Variants in KLHDC10 observed in about 807,000 individuals in gnomAD.
The protein encoded by KLHDC10 is kelch domain containing 10.
KLHDC10 carries 24 observed loss-of-function variants against 56.1 expected under a neutral mutation model. That is an observed-to-expected ratio of 0.43 (90% CI 0.31 to 0.60). The LOEUF (loss-of-function observed/expected upper bound fraction) is 0.60, where lower values mean the gene tolerates loss of function less well. Among genes scored for constraint, KLHDC10 ranks in the 20% least tolerant of loss-of-function variants. KLHDC10 has a pLI of 0.11. For missense variants in KLHDC10, 349 were observed against 567.0 expected (o/e 0.62, Z 3.91); for synonymous variants, 188 against 207.1 (o/e 0.91, Z 0.79).
chr7:130,117,866 A>G (rs942429609), intron 3 of KLHDC10, among the ~76,000 whole-genome samples: 36 of 149,084 alleles, frequency 2.4e-4, no homozygotes, highest in Non-Finnish European at 1.3e-4. Context: ...AAAAAAAAAA[A>G]AAAAAAAAGA....
At chr7:130,099,982 T>A (rs577806444) in intron 2 of KLHDC10, among the ~76,000 whole-genome samples, 1 of 152,128 alleles carries the variant, frequency 6.6e-6, no homozygotes, top group African/African-American at 2.4e-5. Flanking sequence ...GGGGCATGCC[T>A]GTAGTCCCAG....
chr7:130,092,359 C>T (rs931942424), intron 1 of KLHDC10, among the ~76,000 whole-genome samples: 2 of 152,164 alleles, frequency 1.3e-5, no homozygotes, highest in African/African-American at 4.8e-5. Flanking sequence ...TGTGTCTTAA[C>T]TTTTTAATAT....
At chr7:130,080,523 G>A (rs926486045) in intron 1 of KLHDC10, among the ~76,000 whole-genome samples, 6 of 151,768 alleles carry the variant, frequency 4.0e-5, no homozygotes, top group African/African-American at 1.5e-4. Flanking sequence ...CACCTGAGTA[G>A]CTGGGACTAC....
chr7:130,085,690 C>T (rs556044421), intron 1 of KLHDC10, among the ~76,000 whole-genome samples: 7 of 151,504 alleles, frequency 4.6e-5, no homozygotes, highest in Admixed American at 2.0e-4. Context: ...CAAAAAACGC[C>T]GGGCGTGGTG....
rs922440456 is a variant in KLHDC10 at position 130,134,275 on chromosome 7, G to A, written c.*3529G>A. 4.6e-5 allele frequency: 7 copies of A among 152,170 alleles called. No individual in the cohort carries two copies. Among genetic ancestry groups the A allele is most frequent in the African/African-American group, 9.7e-5 (4 of 41,418 alleles). 9.4% of individuals were successfully genotyped at this position (152,170 alleles called of 1,614,324 possible). ...GAGCTGACAACCAGTGACCATATAA[G>A]CAGCTGATTGCCTGTAATTAGTCAG... On this transcript the variant is annotated 3_prime_UTR_variant, in exon 10 of 10. Coordinates refer to ENST00000335420, the MANE Select transcript of KLHDC10 (RefSeq NM_014997.4).
intron 1 of KLHDC10, among the ~76,000 whole-genome samples, chr7:130,095,585 T>C (rs559825344): frequency 5.3e-5 from 8 of 152,306 alleles, no homozygotes; most frequent in African/African-American, 1.4e-4. Context: ...ATTCTCCTTT[T>C]CCATGAGTCT....
intron 3 of KLHDC10, among the ~76,000 whole-genome samples, chr7:130,118,005 A>C (rs941222130): frequency 1.7e-4 from 26 of 151,848 alleles, no homozygotes; most frequent in Middle Eastern, 3.4e-3. Flanking sequence ...CTCTACAAAA[A>C]ACACACACAC....
At chr7:130,079,530 C>T in intron 1 of KLHDC10, among the ~76,000 whole-genome samples, 1 of 151,996 alleles carries the variant, frequency 6.6e-6, no homozygotes, top group Non-Finnish European at 1.5e-5. Flanking sequence ...TCTTGTGTTC[C>T]TGAATTAACT....
In KLHDC10 at chr7:130,107,843, C is replaced by CAAAAAAAAAAAAAA. The variant is rs3043725; in HGVS notation, c.254-8591_254-8578dup. 6.9e-4 allele frequency among the ~76,000 whole-genome samples: 18 copies of CAAAAAAAAAAAAAA among 26,030 alleles called. 4 individuals are homozygous for CAAAAAAAAAAAAAA. The highest frequency in any genetic ancestry group is 3.3e-3 in the African/African-American group (14 of 4,292). The allele number at this position is 26,030 out of a possible 152,430, so 17.1% of individuals were successfully genotyped here. A position where few individuals can be genotyped will look rare whatever the true frequency, so the allele number is the denominator to read the frequency against. ...TGGGCGACAGAGTGGGACTCCGTCT[C>CAAAAAAAAAAAAAA]AAAAAAAAAAAAAAAAAAAAAAAAG... On this transcript the variant is annotated intron_variant, in intron 2 of 9. Transcript: ENST00000335420.
chr7:130,128,889 A>AATATATATATATATATATATATATAT (rs1554468213), intron 8 of KLHDC10, among the ~76,000 whole-genome samples: 1 of 66,952 alleles, frequency 1.5e-5, no homozygotes, highest in Non-Finnish European at 2.8e-5. Flanking sequence ...AAAAAAAAAA[A>AATATATATATATATATATATATATAT]ATATATATAT....
intron 2 of KLHDC10, among the ~76,000 whole-genome samples, chr7:130,107,862 A>AAAAAAAAAAC (rs1796032870): frequency 6.8e-6 from 1 of 146,370 alleles, no homozygotes; most frequent in African/African-American, 2.5e-5. Flanking sequence ...AAAAAAAAAA[A>AAAAAAAAAAC]AAAAAGAGCC....
chr7:130,082,471 A>G (rs1795621821), intron 1 of KLHDC10, among the ~76,000 whole-genome samples: 1 of 152,166 alleles, frequency 6.6e-6, no homozygotes, highest in African/African-American at 2.4e-5. Flanking sequence ...ATTACTTATC[A>G]CCTGTAGGAA....
chr7:130,088,842 A>C (rs1409764343), intron 1 of KLHDC10, among the ~76,000 whole-genome samples: 1 of 151,730 alleles, frequency 6.6e-6, no homozygotes, highest in Non-Finnish European at 1.5e-5. Context: ...CATGTTGGCC[A>C]GGCTGGTCTT....
intron 1 of KLHDC10, among the ~76,000 whole-genome samples, chr7:130,090,767 CGT>C (rs57061414): frequency 0.14 from 21,359 of 148,158 alleles, 1,716 homozygotes; most frequent in East Asian, 0.28. Context: ...TACACATACT[CGT>C]GTGTGTGTGT....
chr7:130,083,099 T>C (rs1200486440), intron 1 of KLHDC10, among the ~76,000 whole-genome samples: 1 of 152,182 alleles, frequency 6.6e-6, no homozygotes, highest in Non-Finnish European at 1.5e-5. Flanking sequence ...CCTCTAGATG[T>C]TTCTACCAAC....
At chr7:130,081,512 T>A (rs927086038) in intron 1 of KLHDC10, among the ~76,000 whole-genome samples, 2 of 151,022 alleles carry the variant, frequency 1.3e-5, no homozygotes, top group African/African-American at 4.9e-5. Context: ...AGAGACAGGG[T>A]TTCACCGTGT....
intron 1 of KLHDC10, among the ~76,000 whole-genome samples, chr7:130,074,960 G>A (rs937197968): frequency 4.6e-5 from 7 of 152,068 alleles, no homozygotes; most frequent in African/African-American, 1.2e-4. Context: ...CATCCATTGC[G>A]ACAGCACAAA....
chr7:130,122,173 C>A lies in KLHDC10; in HGVS notation c.750C>A (p.Asn250Lys). The A allele has an allele frequency of 6.2e-7, 1 of 1,614,004 alleles. No individual in the cohort carries two copies. ...GAGAGTGGACACAACTGAAACCAAA[C>A]AACCTATCCTGTGATCTACCAGAAG... ...NTREWTQLKP[N>K]NLSCDLPEER... The change falls in exon 5 of 10, where the codon AAC becomes AAA. Residue 250 changes from asparagine to lysine, a missense_variant. Around this residue, in one of 2 missense-constraint regions of KLHDC10, gnomAD observed 245 missense variants for 470.1 expected, o/e 0.52. Transcript: ENST00000335420.
At chr7:130,082,901 G>C (rs959248425) in intron 1 of KLHDC10, among the ~76,000 whole-genome samples, 1 of 152,106 alleles carries the variant, frequency 6.6e-6, no homozygotes, top group Non-Finnish European at 1.5e-5. Flanking sequence ...TGTTCCTAAA[G>C]AGCTCTTATT....
Sources: allele counts gnomAD v4.1 joint callset (sites outside exome capture counted in the v4.1 genomes callset), GRCh38; gene constraint gnomAD v4.1.1; regional missense constraint gnomAD v4.1.1; transcripts MANE v1.5; gene names NCBI Gene and HGNC (gene_info 2026-07-23, HGNC 2026-07-21).